The following VAMP7 variants were observed in gnomAD, a reference collection of about 807,000 sequenced individuals.
VAMP7 encodes the protein vesicle associated membrane protein 7.
VAMP7 carries 14 observed loss-of-function variants against 29.6 expected under a neutral mutation model. The observed-to-expected ratio is 0.47, with a 90% CI of 0.31 to 0.74. The LOEUF (loss-of-function observed/expected upper bound fraction) is 0.74. Ranked by LOEUF, VAMP7 falls within the 30% of genes least tolerant of loss-of-function variation. VAMP7 has a pLI of 0.05. For synonymous variants in VAMP7, 95 were observed against 88.1 expected (o/e 1.08, Z -0.44); for missense variants, 223 against 262.4 (o/e 0.85, Z 1.04).
At position 155,929,606 on chromosome X, in the gene VAMP7, T is replaced by C. The variant is rs760420547; in HGVS notation, c.501+9726T>C. Among the ~76,000 whole-genome samples the C allele has an allele frequency of 3.3e-5, 5 of 152,278 alleles. No homozygotes were observed. The East Asian group carries it at 9.6e-4, about 29-fold the overall frequency. On this transcript the variant is annotated intron_variant, in intron 6 of 7. Coordinates refer to ENST00000286448, the MANE Select transcript of VAMP7 (RefSeq NM_005638.6). ...TCAAAATTTTTCTCTTCTGAAAGCA[T>C]TGATGATCAGCATTTTAGATATAAG...
chrX:155,924,472 C>T (rs891039666), intron 6 of VAMP7, among the ~76,000 whole-genome samples: 1 of 152,166 alleles, frequency 6.6e-6, no homozygotes, highest in African/African-American at 2.4e-5. Context: ...CTCTCAGCCC[C>T]TGGTAACTCT....
At chrX:155,881,880 C>G (rs773008234) in intron 1 of VAMP7, among the ~76,000 whole-genome samples, 1 of 152,134 alleles carries the variant, frequency 6.6e-6, no homozygotes, top group South Asian at 2.1e-4. Flanking sequence ...TTCGCCCTTC[C>G]TCCACTGCTC....
chrX:155,910,356 T>C (rs1442309919), intron 5 of VAMP7, among the ~76,000 whole-genome samples: 1 of 152,224 alleles, frequency 6.6e-6, no homozygotes, highest in Non-Finnish European at 1.5e-5. Context: ...CATTCATCCA[T>C]TCATGGACAC....
At position 155,942,188 on chromosome X, in the gene VAMP7, G is replaced by T. The variant is rs1569454096; in HGVS notation, c.*237G>T. On this transcript the variant is annotated 3_prime_UTR_variant, in exon 8 of 8. Transcript: ENST00000286448. The stretch of plus-strand genomic sequence containing the variant: ...CAGCAGTAGCCTTAAAAAGGCTTTT[G>T]TTTATTTCTTTGGTTTGTTAACTAG... The T allele has an allele frequency of 6.5e-7, 1 of 1,531,096 alleles. No homozygotes were observed. The highest frequency in any genetic ancestry group is 2.5e-5 in the East Asian group (1 of 40,670). 94.8% of individuals were successfully genotyped at this position (1,531,096 alleles called of 1,614,324 possible). A position where few individuals can be genotyped will look rare whatever the true frequency, so the allele number is the denominator to read the frequency against.
chrX:155,886,825 A>G (rs776904129), intron 1 of VAMP7, among the ~76,000 whole-genome samples: 1 of 152,308 alleles, frequency 6.6e-6, no homozygotes, highest in African/African-American at 2.4e-5. Context: ...TTTTTAAGCA[A>G]TATCGCATAC....
chrX:155,893,276 A>G (rs2065946634), intron 2 of VAMP7, among the ~76,000 whole-genome samples: 2 of 152,148 alleles, frequency 1.3e-5, no homozygotes, highest in African/African-American at 4.8e-5. Context: ...TCTAGTAGAC[A>G]GTAGTGTAGG....
intron 6 of VAMP7, among the ~76,000 whole-genome samples, chrX:155,938,896 G>C (rs765868032): frequency 3.8e-4 from 58 of 152,334 alleles, no homozygotes; most frequent in African/African-American, 1.3e-3. Context: ...AGATTCATCT[G>C]TGGTAAATTG....
intron 1 of VAMP7, among the ~76,000 whole-genome samples, chrX:155,883,471 A>G (rs771689415): frequency 6.6e-6 from 1 of 152,130 alleles, no homozygotes; most frequent in Non-Finnish European, 1.5e-5. Context: ...GAAAAAAATT[A>G]ATTTCCTTTT....
At chrX:155,921,991 G>T (rs1442354744) in intron 6 of VAMP7, among the ~76,000 whole-genome samples, 4 of 151,902 alleles carry the variant, frequency 2.6e-5, no homozygotes, top group Admixed American at 2.6e-4. Context: ...TTTCTCAGCA[G>T]TATTTTTTAG....
At chrX:155,938,985 G>A (rs1391965341) in intron 6 of VAMP7, among the ~76,000 whole-genome samples, 2 of 152,084 alleles carry the variant, frequency 1.3e-5, no homozygotes, top group Non-Finnish European at 1.5e-5. Flanking sequence ...TTTATGCATT[G>A]CACAGTTGAT....
intron 5 of VAMP7, among the ~76,000 whole-genome samples, chrX:155,913,254 T>C (rs2066263593): frequency 6.6e-6 from 1 of 152,218 alleles, no homozygotes; most frequent in East Asian, 1.9e-4. Flanking sequence ...TTAAGTTCCT[T>C]GTAGATTCCG....
rs757695948 is a variant in VAMP7 at position 155,905,370 on chromosome X, T to C, written c.433+4783T>C. ...CAAATATTTTGCTCTATTCTGTGAG[T>C]TGTCTTTTCATTTTCTTGATGGTGT... is the stretch of plus-strand genomic sequence containing the variant. On this transcript the variant is annotated intron_variant, in intron 5 of 7. Transcript: ENST00000286448. Among the ~76,000 whole-genome samples, 85 of 152,284 alleles carry C rather than the reference T, an allele frequency of 5.6e-4. 3 individuals are homozygous for C. In the South Asian group the frequency reaches 0.016, roughly 29 times the overall value.
intron 2 of VAMP7, among the ~76,000 whole-genome samples, chrX:155,891,494 C>T (rs2065925157): frequency 6.6e-6 from 1 of 152,154 alleles, no homozygotes; most frequent in Admixed American, 6.5e-5. Flanking sequence ...CATATGTTTT[C>T]CCTGCTTTCC....
chrX:155,925,947 G>A (rs930267237), intron 6 of VAMP7, among the ~76,000 whole-genome samples: 4 of 152,112 alleles, frequency 2.6e-5, no homozygotes, highest in African/African-American at 7.2e-5. Flanking sequence ...GAGTGACTAG[G>A]TTCATTGTCA....
chrX:155,932,950 A>C (rs923096033), intron 6 of VAMP7, among the ~76,000 whole-genome samples: 47 of 152,074 alleles, frequency 3.1e-4, no homozygotes, highest in Non-Finnish European at 6.6e-4. Context: ...TTCTGCATCT[A>C]TTGAGATGAT....
Position 155,906,944 on chromosome X carries a change from G to T in VAMP7, c.433+6357G>T, listed in dbSNP as rs143627652. Among the ~76,000 whole-genome samples the T allele has an allele frequency of 4.2e-4, 64 of 152,112 alleles. No individual in the cohort carries two copies. In the East Asian group the frequency reaches 0.012, roughly 28 times the overall value. The stretch of plus-strand genomic sequence containing the variant: ...ACAATTAAGTATGAGGTTAGCTGTG[G>T]GTTTTTCATAGATGTCCTTTATCAG... On this transcript the variant is annotated intron_variant, in intron 5 of 7. Coordinates refer to ENST00000286448, the MANE Select transcript of VAMP7 (RefSeq NM_005638.6).
chrX:155,906,757 T>C (rs1448275646), intron 5 of VAMP7, among the ~76,000 whole-genome samples: 2 of 152,192 alleles, frequency 1.3e-5, no homozygotes, highest in African/African-American at 4.8e-5. Flanking sequence ...TACTTGCAAA[T>C]AGAGATAGTT....
At chrX:155,904,155 T>C (rs2066112633) in intron 5 of VAMP7, among the ~76,000 whole-genome samples, 1 of 129,472 alleles carries the variant, frequency 7.7e-6, no homozygotes, top group Non-Finnish European at 1.5e-5. Flanking sequence ...AATTGAACAA[T>C]GAGAACACAT....
At chrX:155,938,906 G>T (rs1362469628) in intron 6 of VAMP7, among the ~76,000 whole-genome samples, 7 of 152,178 alleles carry the variant, frequency 4.6e-5, no homozygotes, top group Non-Finnish European at 8.8e-5. Flanking sequence ...GTGGTAAATT[G>T]TATAAATGTA....
Sources: allele counts gnomAD v4.1 joint callset (sites outside exome capture counted in the v4.1 genomes callset), GRCh38; gene constraint gnomAD v4.1.1; transcripts MANE v1.5; gene names NCBI Gene and HGNC (gene_info 2026-07-23, HGNC 2026-07-21).